The following DNAJB13 variants were observed in gnomAD, a reference collection of about 807,000 sequenced individuals.
DNAJB13 encodes the protein dnaJ homolog subfamily B member 13.
DNAJB13 carries 22 observed loss-of-function variants against 35.6 expected under a neutral mutation model. The observed-to-expected ratio is 0.62, with a 90% confidence interval of 0.44 to 0.88. The LOEUF is 0.88. Among genes scored for constraint, DNAJB13 ranks in the 40% least tolerant of loss-of-function variants. The pLI is 0.00. For synonymous variants in DNAJB13, 136 were observed against 144.2 expected, an observed-to-expected ratio of 0.94 and a Z score of 0.41; for missense variants, 370 against 384.3, an observed-to-expected ratio of 0.96 and a Z score of 0.31.
At chr11:73,951,852 G>T (rs552684539) in intron 1 of DNAJB13, among the ~76,000 whole-genome samples, 6 of 152,174 alleles carry the variant, frequency 3.9e-5, no homozygotes, top group Admixed American at 6.5e-5. Context: ...CTCCTTTTTG[G>T]TCAGGCTGGT....
chr11:73,965,620 T>C (rs1951091524), intron 4 of DNAJB13: 1 of 162,092 alleles, frequency 6.2e-6, no homozygotes, highest in Non-Finnish European at 1.4e-5. Flanking sequence ...TTTCCACAGA[T>C]GGAACCCATC....
At chr11:73,959,465 C>T (rs1345960504) in intron 2 of DNAJB13, 29 bp from the exon 3 acceptor site, 3 of 1,590,672 alleles carry the variant, frequency 1.9e-6, no homozygotes, top group Non-Finnish European at 2.6e-6. Flanking sequence ...CAAAGTTGGA[C>T]ACCTCCTTAA....
intron 1 of DNAJB13, among the ~76,000 whole-genome samples, chr11:73,955,307 C>CTT (rs570240877): frequency 1.4e-4 from 19 of 134,778 alleles, no homozygotes; most frequent in Non-Finnish European, 2.2e-4. Context: ...AACCTTGTTA[C>CTT]TTTTTTTTTT....
At chr11:73,960,425 GC>G (rs1950899756) in intron 3 of DNAJB13, among the ~76,000 whole-genome samples, 1 of 152,078 alleles carries the variant, frequency 6.6e-6, no homozygotes, top group Admixed American at 6.5e-5. Context: ...CAGCTGATCT[GC>G]CCACCTCTGC....
intron 3 of DNAJB13, among the ~76,000 whole-genome samples, chr11:73,963,358 GAAAA>G (rs1043502316): frequency 3.4e-5 from 5 of 148,210 alleles, no homozygotes; most frequent in Admixed American, 6.7e-5. Flanking sequence ...AAAAAAAAAA[GAAAA>G]AAGAAAAAAA....
At chr11:73,962,361 G>C (rs608051) in intron 3 of DNAJB13, among the ~76,000 whole-genome samples, 4,142 of 134,356 alleles carry the variant, frequency 0.031, 184 homozygotes, top group African/African-American at 0.11. Context: ...AGGACAGATG[G>C]ATGAATGGAT....
At chr11:73,953,998 T>A (rs866504402) in intron 1 of DNAJB13, among the ~76,000 whole-genome samples, 13 of 100,374 alleles carry the variant, frequency 1.3e-4, no homozygotes, top group African/African-American at 5.3e-4. Flanking sequence ...AAAATAATAA[T>A]AAAATAATAA....
chr11:73,952,627 A>C (rs1386835553), intron 1 of DNAJB13, among the ~76,000 whole-genome samples: 1 of 152,184 alleles, frequency 6.6e-6, no homozygotes, highest in Admixed American at 6.5e-5. Context: ...GTATGATGTC[A>C]CCCACTCTTC....
At chr11:73,962,245 A>G (rs1009608942) in intron 3 of DNAJB13, among the ~76,000 whole-genome samples, 6 of 152,166 alleles carry the variant, frequency 3.9e-5, no homozygotes, top group Non-Finnish European at 8.8e-5. Flanking sequence ...TTGTCTCCCT[A>G]CCAGACTGGG....
intron 1 of DNAJB13, among the ~76,000 whole-genome samples, chr11:73,955,655 C>T (rs1321847802): frequency 6.6e-6 from 1 of 151,984 alleles, no homozygotes; most frequent in African/African-American, 2.4e-5. Context: ...GGCAAAAACC[C>T]GTCTCTACTA....
intron 3 of DNAJB13, among the ~76,000 whole-genome samples, chr11:73,962,401 C>G (rs1053334515): frequency 8.9e-4 from 17 of 19,032 alleles, no homozygotes; most frequent in Non-Finnish European, 1.4e-3. Flanking sequence ...TAGACGAGCA[C>G]ATGGTGGGTG....
chr11:73,952,930 AAG>A (rs1950622613), intron 1 of DNAJB13, among the ~76,000 whole-genome samples: 1 of 152,314 alleles, frequency 6.6e-6, no homozygotes, highest in Admixed American at 6.5e-5. Context: ...ATGTCATATA[AAG>A]AGTGATTAAG....
At chr11:73,954,856 C>G (rs1319443686) in intron 1 of DNAJB13, among the ~76,000 whole-genome samples, 1 of 151,952 alleles carries the variant, frequency 6.6e-6, no homozygotes, top group Non-Finnish European at 1.5e-5. Flanking sequence ...GAGGCTGAGG[C>G]AGAAGAATCG....
At chr11:73,966,779 A>G (rs1951128027) in intron 5 of DNAJB13, among the ~76,000 whole-genome samples, 1 of 151,624 alleles carries the variant, frequency 6.6e-6, no homozygotes, top group African/African-American at 2.4e-5. Flanking sequence ...CCTGGATTCA[A>G]GCAATTATCC....
chr11:73,954,040 A>AATG (rs1950664285), intron 1 of DNAJB13, among the ~76,000 whole-genome samples: 1 of 144,802 alleles, frequency 6.9e-6, no homozygotes. Flanking sequence ...TAATAATAAT[A>AATG]ATGGCTGGAC....
intron 3 of DNAJB13, among the ~76,000 whole-genome samples, chr11:73,962,468 G>A (rs572055090): frequency 5.6e-4 from 83 of 147,776 alleles, no homozygotes; most frequent in Admixed American, 4.3e-3. Context: ...TGGGTAGGCG[G>A]ATGGATGGCT....
chr11:73,959,434 C>T (rs1201904230), intron 2 of DNAJB13, 60 bp from the exon 3 acceptor site: 2 of 1,569,640 alleles, frequency 1.3e-6, no homozygotes, highest in Non-Finnish European at 1.7e-6. Flanking sequence ...GCTTCCCAGC[C>T]CCTCCACCTA....
At chr11:73,952,394 A>G (rs1255429976) in intron 1 of DNAJB13, among the ~76,000 whole-genome samples, 1 of 152,174 alleles carries the variant, frequency 6.6e-6, no homozygotes, top group Admixed American at 6.5e-5. Flanking sequence ...ATCACTGTTT[A>G]ACCCTCACAA....
chr11:73,964,685 C>T, intron 3 of DNAJB13, 193 bp from the exon 4 acceptor site: 1 of 617,906 alleles, frequency 1.6e-6, no homozygotes, highest in South Asian at 1.9e-5. Context: ...CTTGGCTTGG[C>T]CAGTCTGAGA....
Sources: gnomAD v4.1 joint callset for allele counts (sites outside exome capture counted in the v4.1 genomes callset) on GRCh38, gnomAD v4.1.1 for gene constraint, MANE v1.5 for transcripts, NCBI Gene and HGNC (gene_info 2026-07-23, HGNC 2026-07-21) for gene names.